LRP1B: variants seen among roughly 807,000 people sequenced by gnomAD.
LRP1B encodes low-density lipoprotein receptor-related protein 1B.
A neutral mutation model predicts 556.6 loss-of-function variants in LRP1B; 217 were observed. The ratio of observed to expected loss-of-function variants is 0.39; its 90% CI spans 0.35 to 0.44. LRP1B has a LOEUF of 0.44. LRP1B is among the 20% of genes least tolerant of loss of function. The probability of loss-of-function intolerance (pLI) is 1.00; values close to 1 mark genes in which losing one functional copy is unlikely to be tolerated. For missense variants in LRP1B, 5,053 were observed against 5,620.8 expected, an observed-to-expected ratio of 0.90 and a Z score of 3.23; for synonymous variants, 2,047 against 1,865.8, an observed-to-expected ratio of 1.10 and a Z score of -2.50.
At chr2:140,964,358 C>T (rs1696132354) in intron 18 of LRP1B, among the ~76,000 whole-genome samples, 1 of 152,126 alleles carries the variant, frequency 6.6e-6, no homozygotes, top group East Asian at 1.9e-4. Context: ...ATGTCAGGCC[C>T]TCCACAAGAG....
intron 1 of LRP1B, among the ~76,000 whole-genome samples, chr2:142,055,813 A>G (rs887741561): frequency 6.6e-6 from 1 of 152,170 alleles, no homozygotes; most frequent in East Asian, 1.9e-4. Flanking sequence ...AAAAATTTGT[A>G]TATGAGTGTC....
intron 84 of LRP1B, among the ~76,000 whole-genome samples, chr2:140,287,204 T>TTTTA (rs1458683834): frequency 1.3e-5 from 2 of 151,790 alleles, no homozygotes; most frequent in Non-Finnish European, 1.5e-5. Flanking sequence ...TTTTAAAACA[T>TTTTA]TTTATTTATT....
At position 141,531,895 on chromosome 2, in the gene LRP1B, A is replaced by G. The variant is rs137920491; in HGVS notation, c.206-51362T>C. On this transcript the variant is annotated intron_variant, in intron 2 of 90. Transcript: ENST00000389484. Reference sequence around the variant, plus strand: ...ATAGATCTTACATTGACATTCCACTATACTTCATTATATTTCTTCTGTTGA... The same window carrying G: ...ATAGATCTTACATTGACATTCCACTGTACTTCATTATATTTCTTCTGTTGA... Among the ~76,000 whole-genome samples the G allele has an allele frequency of 4.8e-3, 738 of 152,272 alleles. 4 individuals carry two copies. The highest frequency in any genetic ancestry group is 0.012 in the African/African-American group (498 of 41,568).
intron 60 of LRP1B, among the ~76,000 whole-genome samples, chr2:140,465,090 C>G (rs1449253674): frequency 6.6e-6 from 1 of 152,108 alleles, no homozygotes; most frequent in Non-Finnish European, 1.5e-5. Flanking sequence ...GTGCTGGCAT[C>G]ATCTGTTAGG....
At position 140,951,875 on chromosome 2, in the gene LRP1B, A is replaced by G; in HGVS notation, c.2953T>C (p.Trp985Arg). 1 of 1,613,816 alleles carries G rather than the reference A, an allele frequency of 6.2e-7. No homozygotes were observed. The highest frequency in any genetic ancestry group is 8.5e-7 in the Non-Finnish European group (1 of 1,179,724). The change falls in exon 19 of 91, where the codon TGG (tryptophan) becomes CGG (arginine). Residue 985 changes from tryptophan (W) to arginine (R), a missense_variant. Trp to Arg is a moderately radical substitution (Grantham distance 101). Around this residue, in one of 5 missense-constraint regions of LRP1B, gnomAD observed 3,619 missense variants for 3,931.9 expected, o/e 0.92. Coordinates refer to ENST00000389484, the MANE Select transcript of LRP1B (RefSeq NM_018557.3). Reference protein sequence around the residue: ...CKSGRCISSKWHCDSDDDCGD... With the variant: ...CKSGRCISSKRHCDSDDDCGD... ...TGGTACTTGCCAGAGTCGCAGTGCC[A>G]TTTGCTGCTAATGCATCTTCCACTT...
intron 6 of LRP1B, among the ~76,000 whole-genome samples, chr2:141,192,318 A>G (rs2105203726): frequency 6.6e-6 from 1 of 152,080 alleles, no homozygotes; most frequent in East Asian, 1.9e-4. Flanking sequence ...CAGCCTGGAA[A>G]CTAGAATTTT....
chr2:140,755,415 A>G (rs753460568), intron 35 of LRP1B, among the ~76,000 whole-genome samples: 8 of 152,068 alleles, frequency 5.3e-5, no homozygotes, highest in Non-Finnish European at 1.0e-4. Flanking sequence ...AAAATCTTCA[A>G]CAAAATACTA....
At chr2:141,637,236 C>T (rs1273648820) in intron 2 of LRP1B, among the ~76,000 whole-genome samples, 1 of 151,966 alleles carries the variant, frequency 6.6e-6, no homozygotes, top group African/African-American at 2.4e-5. Context: ...TATGTATATG[C>T]CAGGCATTTT....
At chr2:140,572,909 A>C (rs1681381902) in intron 43 of LRP1B, among the ~76,000 whole-genome samples, 1 of 151,938 alleles carries the variant, frequency 6.6e-6, no homozygotes, top group Non-Finnish European at 1.5e-5. Flanking sequence ...CAGGCACAGA[A>C]AGATAAATAT....
At chr2:140,975,692 AATT>A (rs1455574988) in intron 18 of LRP1B, among the ~76,000 whole-genome samples, 2 of 152,124 alleles carry the variant, frequency 1.3e-5, no homozygotes, top group Non-Finnish European at 1.5e-5. Flanking sequence ...GCTGGACAAT[AATT>A]ATATTTCATG....
At chr2:142,093,411 G>A (rs950472194) in intron 1 of LRP1B, among the ~76,000 whole-genome samples, 2 of 151,990 alleles carry the variant, frequency 1.3e-5, no homozygotes, top group Non-Finnish European at 2.9e-5. Context: ...TAACACTTGG[G>A]GTGCAAGGAA....
At chr2:141,110,547 A>G (rs1478361579) in intron 7 of LRP1B, among the ~76,000 whole-genome samples, 2 of 152,142 alleles carry the variant, frequency 1.3e-5, no homozygotes, top group Non-Finnish European at 2.9e-5. Flanking sequence ...GCGAAGGTGG[A>G]GAAAAACCTT....
chr2:141,317,674 C>G (rs184255286), intron 3 of LRP1B, among the ~76,000 whole-genome samples: 1 of 152,060 alleles, frequency 6.6e-6, no homozygotes, highest in Non-Finnish European at 1.5e-5. Context: ...AGATGTCAGA[C>G]AGAACAGGGT....
At chr2:141,142,921 C>CTTT (rs35543111) in intron 7 of LRP1B, among the ~76,000 whole-genome samples, 18,581 of 101,212 alleles carry the variant, frequency 0.18, 2,359 homozygotes, top group South Asian at 0.33. Context: ...TGTCTGATTA[C>CTTT]TTTTTTTTTT....
intron 12 of LRP1B, among the ~76,000 whole-genome samples, chr2:141,017,922 G>A (rs947861599): frequency 6.6e-6 from 1 of 151,272 alleles, no homozygotes; most frequent in Non-Finnish European, 1.5e-5. Flanking sequence ...GATCACTTGA[G>A]TCCAGGCTAT....
chr2:140,347,200 T>G (rs1681728191), intron 77 of LRP1B, among the ~76,000 whole-genome samples: 1 of 151,904 alleles, frequency 6.6e-6, no homozygotes, highest in South Asian at 2.1e-4. Flanking sequence ...TTATATTCTG[T>G]TCTGGGTACT....
At chr2:141,392,399 A>T in intron 3 of LRP1B, among the ~76,000 whole-genome samples, 1 of 150,208 alleles carries the variant, frequency 6.7e-6, no homozygotes, top group East Asian at 2.0e-4. Context: ...AAAAAAACAA[A>T]TCATCCTGCC....
At chr2:140,263,569 C>T (rs549400170) in intron 86 of LRP1B, among the ~76,000 whole-genome samples, 75 of 152,226 alleles carry the variant, frequency 4.9e-4, no homozygotes, top group Non-Finnish European at 8.4e-4. Context: ...AGAAACCAGG[C>T]CATGACTTCA....
intron 43 of LRP1B, among the ~76,000 whole-genome samples, chr2:140,582,076 G>A (rs1219110485): frequency 2.6e-5 from 4 of 152,162 alleles, no homozygotes; most frequent in Non-Finnish European, 4.4e-5. Context: ...GAACATGGTC[G>A]TGACACACAT....
Sources: gnomAD v4.1 joint callset for allele counts (sites outside exome capture counted in the v4.1 genomes callset) on GRCh38, gnomAD v4.1.1 for gene constraint, gnomAD v4.1.1 regional missense constraint, MANE v1.5 for transcripts, NCBI Gene and HGNC (gene_info 2026-07-23, HGNC 2026-07-21) for gene names.